EPRS1: variants seen among roughly 807,000 people sequenced by gnomAD.
EPRS1 encodes glutamyl-prolyl-tRNA synthetase 1.
A neutral mutation model predicts 188.3 loss-of-function variants in EPRS1; 107 were observed. The ratio of observed to expected loss-of-function variants is 0.57; its 90% CI spans 0.49 to 0.67. EPRS1 has a LOEUF of 0.67. EPRS1 is among the 30% of genes least tolerant of loss of function. The pLI is 0.00. For missense variants in EPRS1, 1,577 were observed against 1,802.2 expected (o/e 0.88, Z 2.26); for synonymous variants, 596 against 593.1 (o/e 1.00, Z -0.07).
Position 220,020,124 on chromosome 1 carries a change from G to C in EPRS1, c.1213C>G (p.Gln405Glu), listed in dbSNP as rs761525664. 1.9e-6 allele frequency: 3 copies of C among 1,613,830 alleles called. No homozygotes were observed. In the South Asian group the frequency reaches 3.3e-5, roughly 18 times the overall value. ...RTTEYHDRDE[Q>E]FYWIIEALGI... Reference sequence around the variant, plus strand: ...AAAGCTTCAATAATCCAGTAAAACTGCTCATCTCTGTCATGGTATTCTGTT... The same window carrying C: ...AAAGCTTCAATAATCCAGTAAAACTCCTCATCTCTGTCATGGTATTCTGTT... The change falls in exon 10 of 32, where the codon CAG becomes GAG. Residue 405 changes from glutamine (Q) to glutamate (E), a missense_variant. Around this residue, in one of 3 missense-constraint regions of EPRS1, gnomAD observed 1,278 missense variants for 1,457.4 expected, o/e 0.88. Coordinates refer to ENST00000366923, the MANE Select transcript of EPRS1 (RefSeq NM_004446.3).
chr1:220,007,480 G>T, intron 13 of EPRS1, 142 bp from the exon 14 acceptor site: 1 of 650,456 alleles, frequency 1.5e-6, no homozygotes, highest in East Asian at 2.9e-5. Context: ...TGCTGTATTA[G>T]GAAGAAAATG....
chr1:220,026,540 T>G (rs905208185), intron 6 of EPRS1, among the ~76,000 whole-genome samples: 1 of 151,326 alleles, frequency 6.6e-6, no homozygotes, highest in Non-Finnish European at 1.5e-5. Context: ...TTTTGTTTGT[T>G]TTTTTTTTGA....
chr1:219,991,581 TAGA>T (rs1214852120), intron 18 of EPRS1, among the ~76,000 whole-genome samples: 2 of 152,146 alleles, frequency 1.3e-5, no homozygotes, highest in Admixed American at 6.6e-5. Context: ...CTAAGTAAAC[TAGA>T]AGTTCACAGG....
At chr1:220,030,873 C>T (rs1360719392) in intron 5 of EPRS1, among the ~76,000 whole-genome samples, 1 of 152,122 alleles carries the variant, frequency 6.6e-6, no homozygotes, top group Non-Finnish European at 1.5e-5. Flanking sequence ...TGGCAGATCA[C>T]TTGAGGTCAG....
intron 10 of EPRS1, among the ~76,000 whole-genome samples, chr1:220,019,421 CCAT>C (rs759596999): frequency 2.6e-5 from 4 of 152,030 alleles, no homozygotes; most frequent in Non-Finnish European, 5.9e-5. Context: ...CCACATAGGA[CCAT>C]GAGAATCAGA....
At chr1:219,996,959 C>G (rs1263163384) in intron 18 of EPRS1, 24 bp downstream of exon 18, 1 of 1,543,064 alleles carries the variant, frequency 6.5e-7, no homozygotes, top group African/African-American at 1.4e-5. Context: ...AAAATGTGGT[C>G]TTGACTTTCT....
chr1:219,978,082 A>G (rs2102561890), intron 28 of EPRS1, among the ~76,000 whole-genome samples: 1 of 152,326 alleles, frequency 6.6e-6, no homozygotes, highest in East Asian at 1.9e-4. Flanking sequence ...TTTAATAAAC[A>G]AAATAAAAAT....
rs1558058280 is a variant in EPRS1, at chr1:220,022,441, T to C, written c.1021A>G (p.Lys341Glu). The C allele has an allele frequency of 3.1e-6, 5 of 1,614,218 alleles. No homozygotes were observed. The highest frequency in any genetic ancestry group is 4.2e-6 in the Non-Finnish European group (5 of 1,180,022). Reference sequence around the variant, plus strand: ...CCATTGTTACTACTCATGTCAATTTTTGCTCGCAAACAACAGGACTGACCA... The same window carrying C: ...CCATTGTTACTACTCATGTCAATTTCTGCTCGCAAACAACAGGACTGACCA... ...QFGQSCCLRA[K>E]IDMSSNNGCM... The change falls in exon 9 of 32, where the codon AAA (lysine) becomes GAA (glutamate). Residue 341 changes from lysine to glutamate, a missense_variant. Physicochemically the swap from Lys to Glu is moderately conservative, Grantham distance 56. Transcript: ENST00000366923.
intron 21 of EPRS1, 27 bp from the exon 22 acceptor site, chr1:219,983,425 A>G: frequency 6.4e-7 from 1 of 1,554,664 alleles, no homozygotes; most frequent in Non-Finnish European, 8.8e-7. Flanking sequence ...TAGTCTTTAA[A>G]GCTTACATTG....
intron 7 of EPRS1, 24 bp downstream of exon 7, chr1:220,025,108 G>A (rs762002361): frequency 2.5e-6 from 4 of 1,605,184 alleles, no homozygotes; most frequent in South Asian, 2.2e-5. Flanking sequence ...TCTGGCAAAG[G>A]GTCATCACTA....
At chr1:220,033,761 T>C (rs749132368) in intron 3 of EPRS1, 103 bp from the exon 4 acceptor site, 1 of 731,598 alleles carries the variant, frequency 1.4e-6, no homozygotes, top group Non-Finnish European at 2.3e-6. Context: ...AGTACACTCT[T>C]ACTATGCTTT....
At chr1:220,000,985 A>G (rs912851225) in intron 17 of EPRS1, among the ~76,000 whole-genome samples, 153 bp downstream of exon 17, 1 of 152,230 alleles carries the variant, frequency 6.6e-6, no homozygotes, top group South Asian at 2.1e-4. Flanking sequence ...AAAATCTTAC[A>G]TGAAAGGATA....
chr1:220,032,287 C>G (rs1315250187), intron 5 of EPRS1, 100 bp downstream of exon 5: 19 of 849,416 alleles, frequency 2.2e-5, no homozygotes, highest in Non-Finnish European at 3.2e-5. Context: ...GCGGTTTCAC[C>G]GTGTTATTCA....
At chr1:220,026,755 C>T (rs1661980003) in intron 6 of EPRS1, among the ~76,000 whole-genome samples, 1 of 151,874 alleles carries the variant, frequency 6.6e-6, no homozygotes. Context: ...TGGTCTCGAT[C>T]TCCTGACCTT....
chr1:220,035,199 G>A (rs1662155016), intron 2 of EPRS1, among the ~76,000 whole-genome samples, 186 bp from the exon 3 acceptor site: 1 of 152,186 alleles, frequency 6.6e-6, no homozygotes, highest in Admixed American at 6.6e-5. Context: ...TGCCCAAGCT[G>A]GAGTGCAATG....
intron 18 of EPRS1, 75 bp from the exon 19 acceptor site, chr1:219,988,898 TTTAA>T: frequency 2.3e-6 from 2 of 873,300 alleles, no homozygotes; most frequent in Admixed American, 2.6e-5. Context: ...TTTAAAAATC[TTTAA>T]TTATCAGCAA....
At position 220,025,219 on chromosome 1, in the gene EPRS1, G is replaced by A. The variant is rs1661950596; in HGVS notation, c.663C>T (p.Asn221=). Residue 221 remains asparagine, a synonymous_variant, in exon 7 of 32, where the codon AAC becomes AAT. Transcript: ENST00000366923. ...HIGHAKAALL[N]QHYQVNFKGK... ...CTTTAAAGTTAACCTGGTAGTGCTG[G>A]TTCAGAAGAGCAGCTTTTGCATGCC... 1 of 1,610,980 alleles carries A rather than the reference G, an allele frequency of 6.2e-7. No individual in the cohort carries two copies. Among genetic ancestry groups the A allele is most frequent in the Non-Finnish European group, 8.5e-7 (1 of 1,178,326 alleles).
In EPRS1 at chr1:219,983,295, T is replaced by A. The variant is rs1660934514; in HGVS notation, c.3194A>T (p.Asp1065Val). The A allele has an allele frequency of 6.2e-7, 1 of 1,614,032 alleles. No homozygotes were observed. Among genetic ancestry groups the A allele is most frequent in the Non-Finnish European group, 8.5e-7 (1 of 1,179,880 alleles). ...AIWEAIKDFF[D>V]AEIKKLGVEN... ...AACACCAAGTTTCTTGATCTCAGCATCAAAAAAGTCCTTGATGGCTTCCCA... is the reference window on the plus strand; with the variant it reads ...AACACCAAGTTTCTTGATCTCAGCAACAAAAAAGTCCTTGATGGCTTCCCA... Residue 1065 changes from aspartate to valine, a missense_variant, in exon 22 of 32, where the codon GAT becomes GTT. Around this residue, in one of 3 missense-constraint regions of EPRS1, gnomAD observed 1,278 missense variants for 1,457.4 expected, o/e 0.88. Transcript: ENST00000366923.
Position 219,988,760 on chromosome 1 carries a change from C to A in EPRS1, c.2605G>T (p.Gly869Trp). 2 of 1,613,834 alleles carry A rather than the reference C, an allele frequency of 1.2e-6. No homozygotes were observed. Among genetic ancestry groups the A allele is most frequent in the Non-Finnish European group, 1.7e-6 (2 of 1,179,808 alleles). Reference protein sequence around the residue: ...SLKAQYKEKTGKEYIPGQPPL... With the variant: ...SLKAQYKEKTWKEYIPGQPPL... ...GGCTGACCAGGTATGTACTCCTTCCCAGTTTTTTCTTTATACTGAGCCTTC... is the reference window on the plus strand; with the variant it reads ...GGCTGACCAGGTATGTACTCCTTCCAAGTTTTTTCTTTATACTGAGCCTTC... The change falls in exon 19 of 32, where the codon GGG (glycine) becomes TGG (tryptophan). Residue 869 changes from glycine to tryptophan, a missense_variant. By Grantham distance (184) the Gly-to-Trp change is radical. This residue lies in a region of EPRS1 where 1,278 missense variants were observed against 1,457.4 expected (regional missense o/e 0.88). Transcript: ENST00000366923.
Sources: gnomAD v4.1 joint callset for allele counts (sites outside exome capture counted in the v4.1 genomes callset) on GRCh38, gnomAD v4.1.1 for gene constraint, gnomAD v4.1.1 regional missense constraint, MANE v1.5 for transcripts, NCBI Gene and HGNC (gene_info 2026-07-23, HGNC 2026-07-21) for gene names.